Variants in USP37 observed in about 807,000 individuals in gnomAD.
The protein encoded by USP37 is ubiquitin carboxyl-terminal hydrolase 37.
USP37 carries 27 observed loss-of-function variants against 124.0 expected under a neutral mutation model. That is an observed-to-expected ratio of 0.22 (90% CI 0.16 to 0.30). The LOEUF (loss-of-function observed/expected upper bound fraction) is 0.30. USP37 is among the 10% of genes least tolerant of loss of function. The pLI is 1.00. For missense variants in USP37, 889 were observed against 1,140.4 expected (o/e 0.78, Z 3.17); for synonymous variants, 365 against 388.0 (o/e 0.94, Z 0.70).
At chr2:218,525,105 T>C (rs1189962076) in intron 10 of USP37, among the ~76,000 whole-genome samples, 1 of 152,248 alleles carries the variant, frequency 6.6e-6, no homozygotes, top group Non-Finnish European at 1.5e-5. Context: ...ATTGTTTTTA[T>C]TCACTGATTT....
intron 22 of USP37, among the ~76,000 whole-genome samples, chr2:218,463,018 A>C (rs897110755): frequency 6.6e-6 from 1 of 151,942 alleles, no homozygotes; most frequent in Non-Finnish European, 1.5e-5. Context: ...AAATACAAAA[A>C]TTAGCTGGGT....
At chr2:218,564,580 C>T (rs931139133) in intron 1 of USP37, among the ~76,000 whole-genome samples, 1 of 152,180 alleles carries the variant, frequency 6.6e-6, no homozygotes, top group Non-Finnish European at 1.5e-5. Flanking sequence ...TTCTAAAGAA[C>T]TACTCTTTTT....
chr2:218,501,548 T>C (rs2384808), intron 11 of USP37, among the ~76,000 whole-genome samples: 2,319 of 152,184 alleles, frequency 0.015, 48 homozygotes, highest in African/African-American at 0.053. Context: ...TACTAGACAA[T>C]AGGCAGCACA....
At chr2:218,543,526 AAACAGG>A (rs1692112526) in intron 8 of USP37, among the ~76,000 whole-genome samples, 1 of 150,586 alleles carries the variant, frequency 6.6e-6, no homozygotes, top group Non-Finnish European at 1.5e-5. Context: ...AAAAAAAAAA[AAACAGG>A]ACAGGCGTGG....
intron 10 of USP37, among the ~76,000 whole-genome samples, chr2:218,510,830 C>A (rs1378197869): frequency 1.3e-5 from 2 of 151,940 alleles, no homozygotes; most frequent in Non-Finnish European, 2.9e-5. Context: ...CCATCTCTAT[C>A]AAAAATGCAA....
intron 3 of USP37, among the ~76,000 whole-genome samples, chr2:218,560,459 C>T (rs1351921944): frequency 6.6e-6 from 1 of 152,182 alleles, no homozygotes; most frequent in East Asian, 1.9e-4. Flanking sequence ...ATACTAGGCA[C>T]TCAGCAGACA....
intron 5 of USP37, among the ~76,000 whole-genome samples, chr2:218,551,951 C>T (rs1692684784): frequency 1.3e-5 from 2 of 152,128 alleles, no homozygotes; most frequent in Non-Finnish European, 2.9e-5. Context: ...CGCCACCATG[C>T]CTGGCTAATT....
intron 1 of USP37, among the ~76,000 whole-genome samples, chr2:218,565,087 A>G (rs116292488): frequency 0.015 from 2,229 of 152,152 alleles, 47 homozygotes; most frequent in African/African-American, 0.05. Context: ...AAACCCGGCT[A>G]ATTTTTGTAA....
intron 1 of USP37, among the ~76,000 whole-genome samples, chr2:218,565,574 A>G (rs978204282): frequency 2.0e-5 from 3 of 152,234 alleles, no homozygotes; most frequent in Non-Finnish European, 2.9e-5. Context: ...TTCAGAATGA[A>G]AAGTGTTTGT....
intron 6 of USP37, among the ~76,000 whole-genome samples, chr2:218,548,983 G>A (rs957952755): frequency 2.0e-5 from 3 of 152,000 alleles, no homozygotes; most frequent in African/African-American, 7.2e-5. Flanking sequence ...AAAATTACAC[G>A]CTCATTCCAT....
At chr2:218,520,334 C>G (rs1690535378) in intron 10 of USP37, among the ~76,000 whole-genome samples, 1 of 146,256 alleles carries the variant, frequency 6.8e-6, no homozygotes, top group Non-Finnish European at 1.5e-5. Flanking sequence ...ATATTTAAAC[C>G]TTGCCAACAG....
chr2:218,455,058 T>A, intron 25 of USP37, 41 bp from the exon 26 acceptor site: 1 of 1,609,294 alleles, frequency 6.2e-7, no homozygotes, highest in South Asian at 1.1e-5. Context: ...GGAAATTTAG[T>A]AAGCAGAACC....
chr2:218,551,337 T>G (rs978231300), intron 5 of USP37, among the ~76,000 whole-genome samples: 2 of 152,180 alleles, frequency 1.3e-5, no homozygotes, highest in African/African-American at 4.8e-5. Flanking sequence ...CAGAATGAAT[T>G]AAGAGTTAAG....
intron 17 of USP37, among the ~76,000 whole-genome samples, chr2:218,480,004 G>C (rs112914537): frequency 0.046 from 6,953 of 151,974 alleles, 457 homozygotes; most frequent in African/African-American, 0.15. Context: ...AAATTAGCTG[G>C]GTTTGGCGGC....
chr2:218,535,257 G>A (rs1402124365), intron 8 of USP37, among the ~76,000 whole-genome samples: 2 of 151,712 alleles, frequency 1.3e-5, no homozygotes, highest in East Asian at 1.9e-4. Flanking sequence ...CCAGCTACTC[G>A]GGAGGCTGTG....
intron 20 of USP37, 51 bp downstream of exon 20, chr2:218,474,579 T>C: frequency 1.9e-6 from 3 of 1,594,708 alleles, no homozygotes; most frequent in Non-Finnish European, 2.6e-6. Flanking sequence ...CTACAAAACT[T>C]TGAAAGAGTT....
chr2:218,548,639 G>A (rs1692505336), intron 6 of USP37, among the ~76,000 whole-genome samples: 1 of 151,946 alleles, frequency 6.6e-6, no homozygotes, highest in African/African-American at 2.4e-5. Context: ...CACCACGCCT[G>A]GCCGCATAGT....
intron 20 of USP37, among the ~76,000 whole-genome samples, chr2:218,471,985 A>T (rs1328614416): frequency 6.6e-6 from 1 of 151,316 alleles, no homozygotes; most frequent in East Asian, 1.9e-4. Context: ...AGCTGAGATC[A>T]TGCCACTGCA....
At chr2:218,556,940 G>A (rs542584355) in intron 4 of USP37, among the ~76,000 whole-genome samples, 1 of 152,292 alleles carries the variant, frequency 6.6e-6, no homozygotes, top group African/African-American at 2.4e-5. Context: ...AGGCTGGAGT[G>A]CGGTGGCATG....
Sources: allele counts gnomAD v4.1 joint callset (sites outside exome capture counted in the v4.1 genomes callset), GRCh38; gene constraint gnomAD v4.1.1; transcripts MANE v1.5; gene names NCBI Gene and HGNC (gene_info 2026-07-23, HGNC 2026-07-21).